The following PELI2 variants were observed in gnomAD, a reference collection of about 807,000 sequenced individuals.
The protein encoded by PELI2 is pellino E3 ubiquitin protein ligase family member 2, also known as E3 ubiquitin-protein ligase pellino homolog 2.
In PELI2, 23 loss-of-function variants were observed where a neutral mutation model predicts 42.3. The ratio of observed to expected loss-of-function variants is 0.54; its 90% CI spans 0.39 to 0.77. The LOEUF (loss-of-function observed/expected upper bound fraction) is 0.77, where lower values mean the gene tolerates loss of function less well. PELI2 is among the 30% of genes least tolerant of loss of function. The pLI is 0.00. For missense variants in PELI2, 463 were observed against 553.2 expected, an observed-to-expected ratio of 0.84 and a Z score of 1.64; for synonymous variants, 245 against 212.2, an observed-to-expected ratio of 1.15 and a Z score of -1.34.
At chr14:56,165,199 A>G (rs1256250477) in intron 1 of PELI2, among the ~76,000 whole-genome samples, 2 of 152,190 alleles carry the variant, frequency 1.3e-5, no homozygotes, top group South Asian at 2.1e-4. Flanking sequence ...CTTTTGCTGT[A>G]TCTGATAGGT....
chr14:56,234,274 T>C (rs1269477707), intron 2 of PELI2, among the ~76,000 whole-genome samples: 1 of 152,190 alleles, frequency 6.6e-6, no homozygotes, highest in Admixed American at 6.5e-5. Flanking sequence ...GGAGTATGAA[T>C]CATGCTGCTA....
At chr14:56,292,788 A>C in intron 5 of PELI2, 1 of 973,810 alleles carries the variant, frequency 1.0e-6, no homozygotes, top group Non-Finnish European at 1.2e-6. Flanking sequence ...ATGTCTTTTC[A>C]GGCCTTTAAC....
rs138103355 is a variant in PELI2 at position 56,136,900 on chromosome 14, T to G, written c.77+18163T>G. On this transcript the variant is annotated intron_variant, in intron 1 of 5. Transcript: ENST00000267460. ...TTGGCAGTTTCTTCTAGGATACATG[T>G]GGAGAAAAACCCACCAATATAGAAT... Among the ~76,000 whole-genome samples the G allele has an allele frequency of 4.5e-3, 692 of 152,316 alleles. 1 individual carries two copies. The highest frequency in any genetic ancestry group is 0.015 in the African/African-American group (643 of 41,554).
chr14:56,132,195 C>G (rs988647578), intron 1 of PELI2, among the ~76,000 whole-genome samples: 1 of 152,128 alleles, frequency 6.6e-6, no homozygotes, highest in Admixed American at 6.5e-5. Flanking sequence ...CTGAGTGACT[C>G]GTGTGACTCT....
chr14:56,235,647 C>G (rs546461875), intron 2 of PELI2, among the ~76,000 whole-genome samples: 53 of 152,350 alleles, frequency 3.5e-4, no homozygotes, highest in African/African-American at 1.3e-3. Context: ...TATAGTGGTA[C>G]AAGCAATACT....
At chr14:56,165,850 C>G (rs916681647) in intron 1 of PELI2, among the ~76,000 whole-genome samples, 2 of 151,880 alleles carry the variant, frequency 1.3e-5, no homozygotes, top group Admixed American at 1.3e-4. Context: ...TTTTTGGTTT[C>G]CATTGGCTGG....
At chr14:56,162,969 C>G (rs1194952012) in intron 1 of PELI2, among the ~76,000 whole-genome samples, 1 of 151,514 alleles carries the variant, frequency 6.6e-6, no homozygotes, top group Non-Finnish European at 1.5e-5. Flanking sequence ...TTTGTTTGAG[C>G]TCCTTATATA....
intron 2 of PELI2, among the ~76,000 whole-genome samples, chr14:56,224,420 C>T (rs1243775729): frequency 6.6e-5 from 10 of 152,166 alleles, no homozygotes; most frequent in Admixed American, 4.6e-4. Flanking sequence ...TTGGAAAGTC[C>T]ATTGTGATTT....
intron 2 of PELI2, among the ~76,000 whole-genome samples, chr14:56,227,518 G>A (rs1887400750): frequency 6.6e-6 from 1 of 152,228 alleles, no homozygotes; most frequent in African/African-American, 2.4e-5. Context: ...GTTTTGAATT[G>A]GAGTTATTGG....
chr14:56,274,193 C>T (rs1889209104), intron 2 of PELI2, among the ~76,000 whole-genome samples: 1 of 94,964 alleles, frequency 1.1e-5, no homozygotes, highest in African/African-American at 5.4e-5. Flanking sequence ...GCTCAGCCAG[C>T]AGGGAAAAGG....
intron 1 of PELI2, among the ~76,000 whole-genome samples, chr14:56,157,391 C>T (rs1484657892): frequency 6.6e-6 from 1 of 152,034 alleles, no homozygotes; most frequent in East Asian, 1.9e-4. Context: ...TGTAGATATT[C>T]TAGAAATAGA....
chr14:56,216,210 T>G (rs1886901158), intron 2 of PELI2, among the ~76,000 whole-genome samples: 1 of 152,222 alleles, frequency 6.6e-6, no homozygotes, highest in Non-Finnish European at 1.5e-5. Flanking sequence ...TTTGTGGGGC[T>G]CCTTGGCCAG....
intron 2 of PELI2, among the ~76,000 whole-genome samples, chr14:56,192,585 A>G (rs549635382): frequency 1.3e-5 from 2 of 152,314 alleles, no homozygotes; most frequent in Admixed American, 6.5e-5. Context: ...GATTTAGGCT[A>G]TTAAGCTCTA....
intron 2 of PELI2, among the ~76,000 whole-genome samples, chr14:56,208,337 A>G (rs1279333812): frequency 1.3e-5 from 2 of 152,190 alleles, no homozygotes; most frequent in African/African-American, 4.8e-5. Context: ...ATAAATTTGG[A>G]TGGAGGAGTG....
At chr14:56,190,208 A>G (rs1309070467) in intron 2 of PELI2, among the ~76,000 whole-genome samples, 1 of 152,202 alleles carries the variant, frequency 6.6e-6, no homozygotes, top group Non-Finnish European at 1.5e-5. Flanking sequence ...CCAGCATTAA[A>G]TTATTTTATT....
chr14:56,132,308 T>C (rs144922570), intron 1 of PELI2, among the ~76,000 whole-genome samples: 1 of 152,240 alleles, frequency 6.6e-6, no homozygotes, highest in Non-Finnish European at 1.5e-5. Context: ...ATACATCTTA[T>C]GTTTGTATCA....
At chr14:56,154,619 A>G (rs1355160811) in intron 1 of PELI2, among the ~76,000 whole-genome samples, 3 of 152,232 alleles carry the variant, frequency 2.0e-5, no homozygotes, top group Non-Finnish European at 4.4e-5. Context: ...TAAATTGCCC[A>G]GTCTCAGGGA....
chr14:56,250,386 T>C (rs1369564276), intron 2 of PELI2, among the ~76,000 whole-genome samples: 2 of 152,112 alleles, frequency 1.3e-5, no homozygotes, highest in Non-Finnish European at 2.9e-5. Context: ...AAAGGGAGTT[T>C]ATTAGGGGAA....
Position 56,273,521 on chromosome 14 carries a change from T to C in PELI2, c.208-6155T>C, listed in dbSNP as rs755231001. Among the ~76,000 whole-genome samples the C allele has an allele frequency of 6.6e-6, 1 of 152,252 alleles. No homozygotes were observed. The highest frequency in any genetic ancestry group is 1.5e-5 in the Non-Finnish European group (1 of 68,042). On this transcript the variant is annotated intron_variant, in intron 2 of 5. Coordinates refer to ENST00000267460, the MANE Select transcript of PELI2 (RefSeq NM_021255.3). The surrounding 1 kb of genome is among the most constrained non-coding windows in gnomAD (Gnocchi z 4.3). The stretch of plus-strand genomic sequence containing the variant: ...AATTCCTTTGAGGAATAAATCAGTT[T>C]TGTAGCTACTGGCTGCCCAACAGCT...
Sources: gnomAD v4.1 joint callset for allele counts (sites outside exome capture counted in the v4.1 genomes callset) on GRCh38, gnomAD v4.1.1 for gene constraint, Gnocchi (gnomAD v3.1) non-coding constraint, MANE v1.5 for transcripts, NCBI Gene and HGNC (gene_info 2026-07-23, HGNC 2026-07-21) for gene names.